DOK6: variants seen among roughly 807,000 people sequenced by gnomAD.
The protein encoded by DOK6 is downstream of tyrosine kinase 6.
In DOK6, 22 loss-of-function variants were observed where a neutral mutation model predicts 44.0. The observed-to-expected ratio is 0.50, with a 90% CI of 0.36 to 0.71. DOK6 has a LOEUF of 0.71. DOK6 is among the 30% of genes least tolerant of loss of function. The pLI, the probability that DOK6 is intolerant of heterozygous loss-of-function variation, is 0.00. For synonymous variants in DOK6, 166 were observed against 145.5 expected, an observed-to-expected ratio of 1.14 and a Z score of -1.01; for missense variants, 340 against 416.4, an observed-to-expected ratio of 0.82 and a Z score of 1.60.
intron 3 of DOK6, among the ~76,000 whole-genome samples, chr18:69,600,529 AT>A (rs1344047767): frequency 7.9e-5 from 12 of 152,072 alleles, no homozygotes; most frequent in African/African-American, 2.9e-4. Flanking sequence ...ATAAATTCCC[AT>A]TTTGTAATAC....
intron 7 of DOK6, among the ~76,000 whole-genome samples, chr18:69,838,510 A>G (rs1228257058): frequency 6.6e-6 from 1 of 152,074 alleles, no homozygotes; most frequent in East Asian, 1.9e-4. Flanking sequence ...TACCAATCCT[A>G]TTTGGCGATT....
intron 3 of DOK6, among the ~76,000 whole-genome samples, chr18:69,609,940 G>T (rs1984098038): frequency 6.6e-6 from 1 of 152,132 alleles, no homozygotes; most frequent in African/African-American, 2.4e-5. Context: ...AACAAATGCT[G>T]CATTTCACTT....
intron 5 of DOK6, among the ~76,000 whole-genome samples, chr18:69,732,524 A>C (rs886611944): frequency 6.6e-6 from 1 of 152,230 alleles, no homozygotes; most frequent in Non-Finnish European, 1.5e-5. Context: ...TCAAAGATTT[A>C]CTAAAGCCAA....
intron 3 of DOK6, among the ~76,000 whole-genome samples, chr18:69,634,401 G>A (rs1382753460): frequency 6.6e-6 from 1 of 152,086 alleles, no homozygotes; most frequent in Non-Finnish European, 1.5e-5. Context: ...TTTTTGCCAT[G>A]TTAAAAAAAT....
intron 3 of DOK6, among the ~76,000 whole-genome samples, chr18:69,674,563 A>T (rs966350691): frequency 1.3e-5 from 2 of 151,312 alleles, no homozygotes; most frequent in Non-Finnish European, 2.9e-5. Flanking sequence ...ACAAATGCAC[A>T]CTCACACACA....
At chr18:69,733,627 A>AT (rs1978492981) in intron 5 of DOK6, among the ~76,000 whole-genome samples, 1 of 152,196 alleles carries the variant, frequency 6.6e-6, no homozygotes, top group Non-Finnish European at 1.5e-5. Flanking sequence ...TCTTGAACTT[A>AT]TTCCTCCTAT....
intron 1 of DOK6, among the ~76,000 whole-genome samples, chr18:69,424,579 T>C (rs143919776): frequency 6.6e-6 from 1 of 152,342 alleles, no homozygotes; most frequent in African/African-American, 2.4e-5. Context: ...TTCTATGTCT[T>C]ACTAACATTT....
intron 3 of DOK6, among the ~76,000 whole-genome samples, chr18:69,627,739 A>G (rs984967928): frequency 1.2e-4 from 19 of 152,252 alleles, no homozygotes; most frequent in Middle Eastern, 3.4e-3. Context: ...CGTGACCACC[A>G]TGCCTGGCCT....
chr18:69,626,933 A>T (rs975619067), intron 3 of DOK6, among the ~76,000 whole-genome samples: 1 of 152,124 alleles, frequency 6.6e-6, no homozygotes, highest in Non-Finnish European at 1.5e-5. Flanking sequence ...CTCTGTGGTT[A>T]GACTGCCTGG....
chr18:69,841,542 C>G lies in DOK6; in HGVS notation c.*159C>G, dbSNP rs929830129. On this transcript the variant is annotated 3_prime_UTR_variant, in exon 8 of 8. Transcript: ENST00000382713. ...AAGGTTAAAAACTGGAGTTCTGCTTCCTTGATTCAGTGGCTAAGTCCTTTA... is the reference window on the plus strand; with the variant it reads ...AAGGTTAAAAACTGGAGTTCTGCTTGCTTGATTCAGTGGCTAAGTCCTTTA... The G allele has an allele frequency of 9.4e-6, 9 of 956,014 alleles. No homozygotes were observed. The highest frequency in any genetic ancestry group is 3.4e-4 in the Middle Eastern group (1 of 2,914). The allele number at this position is 956,014 out of a possible 1,614,324, so 59.2% of individuals were successfully genotyped here.
intron 1 of DOK6, among the ~76,000 whole-genome samples, chr18:69,561,504 G>A (rs953635896): frequency 6.6e-6 from 1 of 152,102 alleles, no homozygotes; most frequent in Non-Finnish European, 1.5e-5. Context: ...CTTTGGGAGT[G>A]TGGATAAGTA....
At chr18:69,716,007 AT>A (rs1037612446) in intron 5 of DOK6, among the ~76,000 whole-genome samples, 1 of 152,202 alleles carries the variant, frequency 6.6e-6, no homozygotes, top group African/African-American at 2.4e-5. Flanking sequence ...GCTAGAATTA[AT>A]TTTTTTGTAA....
intron 3 of DOK6, among the ~76,000 whole-genome samples, chr18:69,615,094 A>C (rs1984254320): frequency 6.6e-6 from 1 of 152,212 alleles, no homozygotes. Flanking sequence ...ATGTTAGATC[A>C]GTGTTATAGT....
Position 69,658,692 on chromosome 18 carries a change from C to T in DOK6, c.290-19042C>T, listed in dbSNP as rs561423495. ...TGTATTTCTCTATTTATTTCATAAA[C>T]GGAAATGAGTCTTTTTCTGCTGTCT... On this transcript the variant is annotated intron_variant, in intron 3 of 7. Coordinates refer to ENST00000382713, the MANE Select transcript of DOK6 (RefSeq NM_152721.6). Among the ~76,000 whole-genome samples the T allele has an allele frequency of 1.9e-4, 29 of 152,226 alleles. 1 individual carries two copies. The South Asian group carries it at 4.8e-3, about 25-fold the overall frequency.
chr18:69,457,046 A>G (rs1336626471), intron 1 of DOK6, among the ~76,000 whole-genome samples: 1 of 152,164 alleles, frequency 6.6e-6, no homozygotes, highest in East Asian at 1.9e-4. Context: ...TCTGGATATT[A>G]GACCTTTGTT....
intron 1 of DOK6, among the ~76,000 whole-genome samples, chr18:69,536,315 T>C (rs1486212857): frequency 6.6e-6 from 1 of 152,158 alleles, no homozygotes; most frequent in Non-Finnish European, 1.5e-5. Flanking sequence ...TAATTTACTC[T>C]AGTATGAGTA....
At chr18:69,707,734 G>A (rs1986665628) in intron 5 of DOK6, among the ~76,000 whole-genome samples, 1 of 152,174 alleles carries the variant, frequency 6.6e-6, no homozygotes, top group Non-Finnish European at 1.5e-5. Flanking sequence ...TCTGTTCATA[G>A]CCCTTTCTTG....
chr18:69,736,836 ATGGTGACC>A (rs1268502069), intron 5 of DOK6, among the ~76,000 whole-genome samples: 5 of 152,178 alleles, frequency 3.3e-5, no homozygotes, highest in Admixed American at 3.3e-4. Flanking sequence ...CTTCAATGAA[ATGGTGACC>A]TGTGGAGAAG....
At chr18:69,428,147 G>C (rs557565282) in intron 1 of DOK6, among the ~76,000 whole-genome samples, 1 of 151,864 alleles carries the variant, frequency 6.6e-6, no homozygotes, top group Non-Finnish European at 1.5e-5. Flanking sequence ...TGTCTTCATT[G>C]TACTGTACTA....
Sources: gnomAD v4.1 joint callset for allele counts (sites outside exome capture counted in the v4.1 genomes callset) on GRCh38, gnomAD v4.1.1 for gene constraint, MANE v1.5 for transcripts, NCBI Gene and HGNC (gene_info 2026-07-23, HGNC 2026-07-21) for gene names.